DLG5: variants seen among roughly 807,000 people sequenced by gnomAD.
DLG5 encodes the protein discs large MAGUK scaffold protein 5.
Under a neutral mutation model 189.8 loss-of-function variants are expected in DLG5, and 48 were observed. That is an observed-to-expected ratio of 0.25 (90% CI 0.20 to 0.32). The LOEUF (loss-of-function observed/expected upper bound fraction) is 0.32. DLG5 is among the 10% of genes least tolerant of loss of function. The pLI, the probability that DLG5 is intolerant of heterozygous loss-of-function variation, is 1.00. For synonymous variants in DLG5, 1,016 were observed against 1,054.1 expected (o/e 0.96, Z 0.70); for missense variants, 2,160 against 2,544.7 (o/e 0.85, Z 3.25).
chr10:77,876,229 T>C (rs1330250206), intron 1 of DLG5, among the ~76,000 whole-genome samples: 3 of 151,968 alleles, frequency 2.0e-5, no homozygotes, highest in Non-Finnish European at 4.4e-5. Flanking sequence ...TTATAAGAAC[T>C]GCTCACCTAT....
At chr10:77,911,103 A>AT (rs578252286) in intron 1 of DLG5, among the ~76,000 whole-genome samples, 324 of 151,472 alleles carry the variant, frequency 2.1e-3, no homozygotes, top group African/African-American at 7.5e-3. Context: ...GCCACTATAT[A>AT]TTTTTTTTAA....
chr10:77,887,554 G>A (rs992660886), intron 1 of DLG5, among the ~76,000 whole-genome samples: 3 of 152,138 alleles, frequency 2.0e-5, no homozygotes, highest in Admixed American at 6.5e-5. Flanking sequence ...AAGCTAACAC[G>A]GTTAAGAGTT....
chr10:77,896,520 G>A (rs1233279472), intron 1 of DLG5, among the ~76,000 whole-genome samples: 2 of 152,100 alleles, frequency 1.3e-5, no homozygotes, highest in Non-Finnish European at 2.9e-5. Context: ...GTTTTATATG[G>A]ATACATCTGC....
chr10:77,792,570 A>G, intron 31 of DLG5, 27 bp from the exon 32 acceptor site: 1 of 1,610,396 alleles, frequency 6.2e-7, no homozygotes, highest in Non-Finnish European at 8.5e-7. Context: ...CAGACACGTC[A>G]TTCAGCTCAG....
intron 2 of DLG5, chr10:77,867,912 C>T (rs958504089): frequency 4.4e-6 from 2 of 456,462 alleles, no homozygotes; most frequent in Non-Finnish European, 8.8e-6. Context: ...GACCAGTGTC[C>T]TTATTAAAAG....
chr10:77,868,137 A>C (rs1844761015), intron 2 of DLG5: 1 of 454,498 alleles, frequency 2.2e-6, no homozygotes, highest in Admixed American at 2.4e-5. Context: ...CAGAACTGTG[A>C]GACAATCAAT....
intron 7 of DLG5, 72 bp downstream of exon 7, chr10:77,841,809 C>T (rs1431132646): frequency 2.0e-5 from 30 of 1,527,318 alleles, no homozygotes; most frequent in East Asian, 9.1e-5. Flanking sequence ...CCGGACACCA[C>T]GCACTCTGCA....
chr10:77,896,342 A>C (rs1394625006), intron 1 of DLG5, among the ~76,000 whole-genome samples: 1 of 152,196 alleles, frequency 6.6e-6, no homozygotes, highest in Admixed American at 6.5e-5. Flanking sequence ...AGAGAGATTT[A>C]AGAAGAACTA....
chr10:77,809,882 G>A (rs759221731), intron 23 of DLG5, 152 bp from the exon 24 acceptor site: 26 of 901,556 alleles, frequency 2.9e-5, no homozygotes, highest in Admixed American at 8.8e-5. Context: ...CTACTGGCTC[G>A]GCGTTCGGGA....
chr10:77,918,699 G>A (rs1160802258), intron 1 of DLG5, among the ~76,000 whole-genome samples: 6 of 150,722 alleles, frequency 4.0e-5, no homozygotes, highest in Non-Finnish European at 5.9e-5. Flanking sequence ...GGTAAAAGGC[G>A]AAAAAAAAAT....
chr10:77,821,125 C>T lies in DLG5; in HGVS notation c.3359G>A (p.Arg1120Gln), dbSNP rs148816869. 8.7e-6 allele frequency: 14 copies of T among 1,613,882 alleles called. No homozygotes were observed. The highest frequency in any genetic ancestry group is 6.7e-5 in the East Asian group (3 of 44,888). The part of the protein sequence containing the change: ...RRRPKSAPSF[R>Q]PKLAPVVIPA... ...AATCACTACTGGAGCAAGCTTCGGC[C>T]GAAAACTGGGAGCAGATTTTGGCCG... Residue 1120 changes from arginine to glutamine, a missense_variant, in exon 15 of 32, where the codon CGG becomes CAG. Physicochemically the swap from Arg to Gln is conservative, Grantham distance 43. This residue lies in a region of DLG5 where 754 missense variants were observed against 746.5 expected (regional missense o/e 1.01). Coordinates refer to ENST00000372391, the MANE Select transcript of DLG5 (RefSeq NM_004747.4).
chr10:77,833,922 C>T lies in DLG5; in HGVS notation c.1740G>A (p.Lys580=), dbSNP rs1178142584. 2 of 1,606,626 alleles carry T rather than the reference C, an allele frequency of 1.2e-6. No individual in the cohort carries two copies. Among genetic ancestry groups the T allele is most frequent in the Non-Finnish European group, 1.7e-6 (2 of 1,179,916 alleles). The change falls in exon 9 of 32, where the codon AAG becomes AAA. Residue 580 remains lysine, a synonymous_variant. Coordinates refer to ENST00000372391, the MANE Select transcript of DLG5 (RefSeq NM_004747.4). ...KQKNDVSREL[K]ELKEQMESQL... ...TGCCCACCCGAGCCTACTTGAGCTC[C>T]TTCAGCTCGCGGCTGACATCATTCT... is the stretch of plus-strand genomic sequence containing the variant.
intron 1 of DLG5, among the ~76,000 whole-genome samples, chr10:77,903,666 A>AT (rs1334776105): frequency 6.6e-6 from 1 of 151,582 alleles, no homozygotes; most frequent in Non-Finnish European, 1.5e-5. Flanking sequence ...TTTAAGCTAT[A>AT]TGTAGAAGGT....
Position 77,900,296 on chromosome 10 carries a change from C to A in DLG5, c.304+25921G>T, listed in dbSNP as rs370880847. Among the ~76,000 whole-genome samples, 11 of 152,258 alleles carry A rather than the reference C, an allele frequency of 7.2e-5. 1 individual carries two copies. In the East Asian group the frequency reaches 7.7e-4, roughly 11 times the overall value. On this transcript the variant is annotated intron_variant, in intron 1 of 31. Coordinates refer to ENST00000372391, the MANE Select transcript of DLG5 (RefSeq NM_004747.4). ...CTCCTGCAACCCCTCCCTGACCCAG[C>A]CACTGTCCAGTCACCACGGTGCCCA...
chr10:77,841,131 C>T (rs1361746296), intron 7 of DLG5, among the ~76,000 whole-genome samples: 2 of 152,232 alleles, frequency 1.3e-5, no homozygotes, highest in Non-Finnish European at 2.9e-5. Context: ...ATCAGAGCCA[C>T]ACACAACACA....
At chr10:77,794,822 G>T in intron 30 of DLG5, 27 bp downstream of exon 30, 1 of 1,588,054 alleles carries the variant, frequency 6.3e-7, no homozygotes, top group Non-Finnish European at 8.6e-7. Flanking sequence ...CAAGGCCCCA[G>T]CGGAGCCCAG....
Position 77,926,564 on chromosome 10 carries a change from C to T in DLG5, c.-44G>A, listed in dbSNP as rs1277549066. The T allele has an allele frequency of 8.3e-6, 10 of 1,208,500 alleles. No homozygotes were observed. The highest frequency in any genetic ancestry group is 4.8e-5 in the African/African-American group (3 of 62,810). 74.9% of individuals were successfully genotyped at this position (1,208,500 alleles called of 1,614,324 possible). ...CCCGCCCCGCCGGACGCCTCCCGGGCCCCCCGAGGCCGGCGGGCGGGCAGG... is the reference window on the plus strand; with the variant it reads ...CCCGCCCCGCCGGACGCCTCCCGGGTCCCCCGAGGCCGGCGGGCGGGCAGG... On this transcript the variant is annotated 5_prime_UTR_variant, in exon 1 of 32. Transcript: ENST00000372391. This position sits in a 1 kb window ranked among gnomAD's most constrained non-coding sequence, Gnocchi z 5.2.
At chr10:77,860,992 A>G (rs141796744) in intron 2 of DLG5, among the ~76,000 whole-genome samples, 148 of 152,344 alleles carry the variant, frequency 9.7e-4, no homozygotes, top group Non-Finnish European at 1.6e-3. Flanking sequence ...TGAGACATTA[A>G]CCACCCTTTC....
chr10:77,893,657 C>T (rs757797243), intron 1 of DLG5, among the ~76,000 whole-genome samples: 4 of 152,208 alleles, frequency 2.6e-5, no homozygotes, highest in East Asian at 1.9e-4. Flanking sequence ...CTGCTCTGGA[C>T]GGTCCCGTGC....
Sources: allele counts gnomAD v4.1 joint callset (sites outside exome capture counted in the v4.1 genomes callset), GRCh38; gene constraint gnomAD v4.1.1; regional missense constraint gnomAD v4.1.1; non-coding constraint Gnocchi (gnomAD v3.1); transcripts MANE v1.5; gene names NCBI Gene and HGNC (gene_info 2026-07-23, HGNC 2026-07-21).